The following DLL1 variants were observed in gnomAD, a reference collection of about 807,000 sequenced individuals.
DLL1 encodes delta like canonical Notch ligand 1.
Under a neutral mutation model 75.1 loss-of-function variants are expected in DLL1, and 9 were observed. That is an observed-to-expected ratio of 0.12 (90% confidence interval 0.07 to 0.21). The LOEUF (loss-of-function observed/expected upper bound fraction) is 0.21, where lower values mean the gene tolerates loss of function less well. DLL1 is among the 10% of genes least tolerant of loss of function. DLL1 has a pLI of 1.00. For missense variants in DLL1, 837 were observed against 1,007.6 expected (o/e 0.83, Z 2.29); for synonymous variants, 477 against 418.3 (o/e 1.14, Z -1.71).
At position 170,283,057 on chromosome 6, in the gene DLL1, T is replaced by A; in HGVS notation, c.2097A>T (p.Ser699=). ...RKRPDSGCST[S]KDTKYQSVYV... The stretch of plus-strand genomic sequence containing the variant: ...ACACCGACTGGTACTTGGTGTCTTT[T>A]GAAGTTGAACAGCCCGAGTCCGGCC... The change falls in exon 10 of 11, where the codon TCA becomes TCT. Residue 699 remains serine, a synonymous_variant. Transcript: ENST00000366756. 1.2e-6 allele frequency: 2 copies of A among 1,614,138 alleles called. No homozygotes were observed. Among genetic ancestry groups the A allele is most frequent in the Non-Finnish European group, 1.7e-6 (2 of 1,180,046 alleles).
At position 170,288,736 on chromosome 6, in the gene DLL1, G is replaced by A. The variant is rs1783765014; in HGVS notation, c.405C>T (p.Leu135=). Residue 135 remains leucine (L), a synonymous_variant, in exon 3 of 11, where the codon CTC becomes CTT. Transcript: ENST00000366756. ...TTTGGGTTTTGTTTTTACCTGTTGC[G>A]AGGTCATCAGGAGAATCTGTGTGGA... is the stretch of plus-strand genomic sequence containing the variant. The part of the protein sequence containing the change: ...EALHTDSPDD[L]ATENPERLIS... The A allele has an allele frequency of 6.2e-7, 1 of 1,614,196 alleles. No individual in the cohort carries two copies. The highest frequency in any genetic ancestry group is 8.5e-7 in the Non-Finnish European group (1 of 1,180,028).
intron 3 of DLL1, 92 bp from the exon 4 acceptor site, chr6:170,288,588 G>A (rs1478383542): frequency 1.2e-6 from 2 of 1,611,940 alleles, no homozygotes; most frequent in Non-Finnish European, 1.7e-6. Context: ...AGCACGGGAA[G>A]GAGGCCCAAG....
At chr6:170,286,342 G>T (rs2747757) in intron 4 of DLL1, 44 bp from the exon 5 acceptor site, 1 of 1,613,546 alleles carries the variant, frequency 6.2e-7, no homozygotes. Flanking sequence ...CGCCAAGTAC[G>T]TCCCAACAGG....
At position 170,284,933 on chromosome 6, in the gene DLL1, G is replaced by A. The variant is rs778035057; in HGVS notation, c.1235C>T (p.Ser412Leu). 1.9e-6 allele frequency: 3 copies of A among 1,613,990 alleles called. No homozygotes were observed. Among genetic ancestry groups the A allele is most frequent in the South Asian group, 2.2e-5 (2 of 91,070 alleles). ...TGCCCCCTTACCATTAGAACAGGGT[G>A]AAGAGCTGCAGTAGTCAATTTTCTT... ...CEKKIDYCSS[S>L]PCSNGAKCVD... The change falls in exon 8 of 11, where the codon TCA (serine) becomes TTA (leucine). Residue 412 changes from serine to leucine, a missense_variant. Ser to Leu is a moderately radical substitution (Grantham distance 145, BLOSUM62 -2). Transcript: ENST00000366756.
chr6:170,289,842 G>A (rs1389670921), intron 1 of DLL1, 34 bp from the exon 2 acceptor site: 18 of 1,544,894 alleles, frequency 1.2e-5, no homozygotes, highest in African/African-American at 5.5e-5. Flanking sequence ...TGAGGACGCG[G>A]GTCCCGCCCG....
chr6:170,282,785 C>A lies in DLL1; in HGVS notation c.*89G>T. On this transcript the variant is annotated 3_prime_UTR_variant, in exon 11 of 11. Coordinates refer to ENST00000366756, the MANE Select transcript of DLL1 (RefSeq NM_005618.4). ...CTCAGCAGCAGTCCACGAGGCCTCC[C>A]TCCTCTTCAGCAGCATTCGTTGGGG... 1 of 1,606,278 alleles carries A rather than the reference C, an allele frequency of 6.2e-7. No homozygotes were observed. Among genetic ancestry groups the A allele is most frequent in the Admixed American group, 1.7e-5 (1 of 60,032 alleles).
In DLL1 at chr6:170,290,117, G is replaced by A. The variant is rs763744358; in HGVS notation, c.23C>T (p.Ala8Val). The change falls in exon 1 of 11, where the codon GCC becomes GTC. Residue 8 changes from alanine (A) to valine (V), a missense_variant. This residue lies in a region of DLL1 where 304 missense variants were observed against 461.9 expected (regional missense o/e 0.66). Transcript: ENST00000366756. This position sits in a 1 kb window ranked among gnomAD's most constrained non-coding sequence, Gnocchi z 4.7. MGSRCALALAVLSALLCQ... is the reference protein window; with the variant it reads MGSRCALVLAVLSALLCQ... ...CAGCAAGGCCGAGAGCACCGCCAGG[G>A]CCAGCGCGCACCGACTGCCCATGCT... 6.3e-7 allele frequency: 1 copy of A among 1,593,274 alleles called. No individual in the cohort carries two copies. The highest frequency in any genetic ancestry group is 1.7e-5 in the Admixed American group (1 of 59,558).
At chr6:170,286,849 T>C (rs1320257761) in intron 4 of DLL1, among the ~76,000 whole-genome samples, 1 of 151,888 alleles carries the variant, frequency 6.6e-6, no homozygotes, top group Non-Finnish European at 1.5e-5. Context: ...CTTCCGCCAA[T>C]GGGAGCCGGC....
At chr6:170,288,053 C>T (rs1035350363) in intron 4 of DLL1, 186 bp downstream of exon 4, 27 of 806,042 alleles carry the variant, frequency 3.3e-5, no homozygotes, top group Non-Finnish European at 5.0e-5. Flanking sequence ...AAAATGTCTG[C>T]GTTGACCCCA....
chr6:170,288,581 A>T, intron 3 of DLL1, 85 bp from the exon 4 acceptor site: 10 of 1,612,572 alleles, frequency 6.2e-6, no homozygotes, highest in South Asian at 1.1e-5. Flanking sequence ...GACATTCAGC[A>T]CGGGAAGGAG....
At chr6:170,284,134 C>G in intron 8 of DLL1, 105 bp from the exon 9 acceptor site, 6 of 1,435,776 alleles carry the variant, frequency 4.2e-6, no homozygotes, top group Non-Finnish European at 5.7e-6. Flanking sequence ...CCAGACAAAC[C>G]AAAGACAGTC....
intron 8 of DLL1, 105 bp from the exon 9 acceptor site, chr6:170,284,134 C>A: frequency 1.4e-6 from 2 of 1,435,772 alleles, no homozygotes; most frequent in South Asian, 1.2e-5. Context: ...CCAGACAAAC[C>A]AAAGACAGTC....
At chr6:170,286,905 CG>C in intron 4 of DLL1, among the ~76,000 whole-genome samples, 1 of 152,296 alleles carries the variant, frequency 6.6e-6, no homozygotes, top group East Asian at 1.9e-4. Context: ...CTATGGCACG[CG>C]CGAGCTGGGG....
Position 170,290,712 on chromosome 6 carries a change from C to T in DLL1, c.-573G>A. 2 of 341,952 alleles carry T rather than the reference C, an allele frequency of 5.8e-6. No individual in the cohort carries two copies. Among genetic ancestry groups the T allele is most frequent in the Non-Finnish European group, 1.1e-5 (2 of 186,724 alleles). The allele number at this position is 341,952 out of a possible 1,614,324, so 21.2% of individuals were successfully genotyped here. ...CGGATCGCGGCCCGGTGTCACTCGG[C>T]GGCGGCGGTCGTTCCGGGAGCACTC... On this transcript the variant is annotated 5_prime_UTR_variant, in exon 1 of 11. Coordinates refer to ENST00000366756, the MANE Select transcript of DLL1 (RefSeq NM_005618.4). The surrounding 1 kb of genome is among the most constrained non-coding windows in gnomAD (Gnocchi z 4.7).
chr6:170,290,239 G>T lies in DLL1; in HGVS notation c.-100C>A. 7.0e-7 allele frequency: 1 copy of T among 1,430,616 alleles called. No homozygotes were observed. The highest frequency in any genetic ancestry group is 1.2e-5 in the South Asian group (1 of 81,136). 88.6% of individuals were successfully genotyped at this position (1,430,616 alleles called of 1,614,324 possible). A position where few individuals can be genotyped will look rare whatever the true frequency, so the allele number is the denominator to read the frequency against. Reference sequence around the variant, plus strand: ...CGATGGGCCACGGGGAGCGTGGGCAGAAAAGCGCCCTTGCCTCGCCCCAGA... The same window carrying T: ...CGATGGGCCACGGGGAGCGTGGGCATAAAAGCGCCCTTGCCTCGCCCCAGA... On this transcript the variant is annotated 5_prime_UTR_variant, in exon 1 of 11. The change creates a new upstream start codon in the 5' untranslated region. Coordinates refer to ENST00000366756, the MANE Select transcript of DLL1 (RefSeq NM_005618.4). The surrounding 1 kb of genome is among the most constrained non-coding windows in gnomAD (Gnocchi z 4.7).
At chr6:170,287,817 C>T (rs1783736546) in intron 4 of DLL1, among the ~76,000 whole-genome samples, 1 of 152,202 alleles carries the variant, frequency 6.6e-6, no homozygotes, top group South Asian at 2.1e-4. Context: ...GAAAATGGAA[C>T]GTTTCCCAGT....
chr6:170,283,029 C>T lies in DLL1; in HGVS notation c.2125G>A (p.Val709Ile), dbSNP rs558852722. 103 of 1,614,178 alleles carry T rather than the reference C, an allele frequency of 6.4e-5. No individual in the cohort carries two copies. The South Asian group carries it at 9.0e-4, about 14-fold the overall frequency. ...SKDTKYQSVYVISEEKDECVI... is the reference protein window; with the variant it reads ...SKDTKYQSVYIISEEKDECVI... Reference sequence around the variant, plus strand: ...CACTCATCCTTCTCCTCGGATATGACGTACACCGACTGGTACTTGGTGTCT... The same window carrying T: ...CACTCATCCTTCTCCTCGGATATGATGTACACCGACTGGTACTTGGTGTCT... The change falls in exon 10 of 11, where the codon GTC (valine) becomes ATC (isoleucine). Residue 709 changes from valine to isoleucine, a missense_variant. By Grantham distance (29) the Val-to-Ile change is conservative. Coordinates refer to ENST00000366756, the MANE Select transcript of DLL1 (RefSeq NM_005618.4).
rs756533173 is a variant in DLL1, at chr6:170,282,974, C to T, written c.2166+14G>A. The T allele has an allele frequency of 6.2e-7, 1 of 1,614,098 alleles. No homozygotes were observed. Among genetic ancestry groups the T allele is most frequent in the East Asian group, 2.2e-5 (1 of 44,876 alleles). On this transcript the variant is annotated intron_variant, in intron 10 of 10. Transcript: ENST00000366756. ...CATGCCGAGGAGGAGGGAGCGGCTG[C>T]TGCCTGCACTGACCTCAGTTGCTAT...
At chr6:170,284,245 G>A (rs988933252) in intron 8 of DLL1, among the ~76,000 whole-genome samples, 1 of 152,342 alleles carries the variant, frequency 6.6e-6, no homozygotes, top group East Asian at 1.9e-4. Flanking sequence ...CACACGGCCA[G>A]CATCTGGACA....
Sources: allele counts gnomAD v4.1 joint callset (sites outside exome capture counted in the v4.1 genomes callset), GRCh38; gene constraint gnomAD v4.1.1; regional missense constraint gnomAD v4.1.1; non-coding constraint Gnocchi (gnomAD v3.1); transcripts MANE v1.5; gene names NCBI Gene and HGNC (gene_info 2026-07-23, HGNC 2026-07-21).